CEP192: variants seen among roughly 807,000 people sequenced by gnomAD.
CEP192 encodes centrosomal protein of 192 kDa.
CEP192 carries 151 observed loss-of-function variants against 271.8 expected under a neutral mutation model. The observed-to-expected ratio is 0.56, with a 90% confidence interval of 0.49 to 0.64. CEP192 has a LOEUF of 0.64. Among genes scored for constraint, CEP192 ranks in the 30% least tolerant of loss-of-function variants. The pLI is 0.00. For synonymous variants in CEP192, 995 were observed against 1,076.5 expected, an observed-to-expected ratio of 0.92 and a Z score of 1.48; for missense variants, 2,910 against 3,020.5, an observed-to-expected ratio of 0.96 and a Z score of 0.86.
At chr18:13,017,084 T>G in intron 6 of CEP192, 104 bp from the exon 7 acceptor site, 2 of 819,016 alleles carry the variant, frequency 2.4e-6, no homozygotes, top group South Asian at 2.0e-5. Context: ...CACCAAAATC[T>G]TAGTCCATTG....
intron 20 of CEP192, 133 bp downstream of exon 20, chr18:13,057,866 C>G: frequency 1.4e-6 from 1 of 723,074 alleles, no homozygotes; most frequent in African/African-American, 1.8e-5. Flanking sequence ...TGGTATCTTT[C>G]TCTCAGACCC....
rs2037862618 is a variant in CEP192 at position 13,068,954 on chromosome 18, C to G, written c.4925C>G (p.Ala1642Gly). ...VLRSVSLRAR[A>G]GIARIHAPRD... ...AGAAGTGTGAGTCTCCGAGCAAGAG[C>G]AGGAATAGCTAGGATCCATGCTCCC... Residue 1642 changes from alanine to glycine, a missense_variant, in exon 25 of 45, where the codon GCA becomes GGA. Coordinates refer to ENST00000506447, the MANE Select transcript of CEP192 (RefSeq NM_032142.4). The G allele has an allele frequency of 6.2e-7, 1 of 1,614,184 alleles. No homozygotes were observed. Among genetic ancestry groups the G allele is most frequent in the African/African-American group, 1.3e-5 (1 of 75,050 alleles).
intron 3 of CEP192, among the ~76,000 whole-genome samples, chr18:13,004,941 A>T (rs2033886568): frequency 6.6e-6 from 1 of 152,144 alleles, no homozygotes; most frequent in Non-Finnish European, 1.5e-5. Context: ...AAGGAGGAGG[A>T]GAGGGTATGG....
intron 11 of CEP192, among the ~76,000 whole-genome samples, chr18:13,035,874 T>C (rs796429559): frequency 2.6e-4 from 39 of 152,310 alleles, no homozygotes; most frequent in African/African-American, 9.1e-4. Flanking sequence ...GCTGGGCATT[T>C]TGGCTTATGC....
Position 13,056,465 on chromosome 18 carries a change from G to C in CEP192, c.3875G>C (p.Gly1292Ala). 1 of 1,614,240 alleles carries C rather than the reference G, an allele frequency of 6.2e-7. No homozygotes were observed. The highest frequency in any genetic ancestry group is 8.5e-7 in the Non-Finnish European group (1 of 1,180,034). The stretch of plus-strand genomic sequence containing the variant: ...AATGCCACAGTCTGTGGCTTCTCAG[G>C]AGGCCTTCCCTATCCAGCTGTTGCA... The part of the protein sequence containing the change: ...AGNATVCGFS[G>A]GLPYPAVAGE... Residue 1292 changes from glycine to alanine, a missense_variant, in exon 19 of 45, where the codon GGA becomes GCA. Gly to Ala is a moderately conservative substitution (Grantham distance 60, BLOSUM62 0). Transcript: ENST00000506447.
In CEP192 at chr18:13,015,467, T is replaced by C. The variant is rs2034589194; in HGVS notation, c.640+19T>C. On this transcript the variant is annotated intron_variant, in intron 6 of 44. Coordinates refer to ENST00000506447, the MANE Select transcript of CEP192 (RefSeq NM_032142.4). Reference sequence around the variant, plus strand: ...TCTTCTGGTACTGCAGAGTAACCTGTGTTTCCCTGGTCTTCACCTTGCCAC... The same window carrying C: ...TCTTCTGGTACTGCAGAGTAACCTGCGTTTCCCTGGTCTTCACCTTGCCAC... 6.5e-7 allele frequency: 1 copy of C among 1,549,854 alleles called. No individual in the cohort carries two copies. The highest frequency in any genetic ancestry group is 8.7e-7 in the Non-Finnish European group (1 of 1,146,190).
At chr18:13,107,056 A>G (rs373569453) in intron 40 of CEP192, among the ~76,000 whole-genome samples, 1 of 152,354 alleles carries the variant, frequency 6.6e-6, no homozygotes, top group African/African-American at 2.4e-5. Context: ...AGTGTCTGCC[A>G]TGTAACAGAT....
chr18:13,057,253 G>GTT (rs1448614630), intron 19 of CEP192, among the ~76,000 whole-genome samples: 55 of 30,026 alleles, frequency 1.8e-3, no homozygotes, highest in East Asian at 3.3e-3. Flanking sequence ...GGTTTTTTTT[G>GTT]TTTGTTTTTT....
At chr18:13,071,894 A>G (rs1002684361) in intron 28 of CEP192, among the ~76,000 whole-genome samples, 2 of 152,230 alleles carry the variant, frequency 1.3e-5, no homozygotes, top group Admixed American at 6.5e-5. Context: ...ATGGAAACCT[A>G]GCCTCTCCCA....
chr18:13,092,312 A>G, intron 33 of CEP192, 65 bp from the exon 34 acceptor site: 2 of 1,109,966 alleles, frequency 1.8e-6, no homozygotes, highest in East Asian at 2.5e-5. Context: ...ATACAAATGT[A>G]TCTGTTACTT....
intron 21 of CEP192, among the ~76,000 whole-genome samples, chr18:13,062,459 C>G (rs1311330762): frequency 2.6e-5 from 4 of 151,660 alleles, no homozygotes; most frequent in South Asian, 2.1e-4. Context: ...CCAATTTGCT[C>G]TCTAACTTAC....
chr18:13,005,029 C>T (rs1012607531), intron 3 of CEP192, among the ~76,000 whole-genome samples: 6 of 151,956 alleles, frequency 3.9e-5, no homozygotes, highest in African/African-American at 9.7e-5. Context: ...AGTTGTGGTA[C>T]TAGAGGCAAG....
chr18:13,081,900 TG>T, intron 30 of CEP192, among the ~76,000 whole-genome samples: 1 of 152,226 alleles, frequency 6.6e-6, no homozygotes, highest in East Asian at 1.9e-4. Flanking sequence ...TCAGTTTCCA[TG>T]TAGTTGTGCG....
chr18:13,015,697 G>A (rs975603440), intron 6 of CEP192, among the ~76,000 whole-genome samples: 1 of 152,018 alleles, frequency 6.6e-6, no homozygotes, highest in African/African-American at 2.4e-5. Context: ...GTCACCTGGA[G>A]GTGCCCTTCA....
chr18:13,050,334 A>G (rs547754853), intron 17 of CEP192, among the ~76,000 whole-genome samples: 1 of 152,346 alleles, frequency 6.6e-6, no homozygotes, highest in East Asian at 1.9e-4. Context: ...CAGCAAAATT[A>G]TCAAAAATGT....
At chr18:13,013,915 C>G (rs1264463866) in intron 5 of CEP192, among the ~76,000 whole-genome samples, 1 of 152,190 alleles carries the variant, frequency 6.6e-6, no homozygotes, top group Non-Finnish European at 1.5e-5. Flanking sequence ...TTTCCCTGTG[C>G]CAGCGATTGG....
chr18:13,086,416 T>C (rs1209016780), intron 30 of CEP192, among the ~76,000 whole-genome samples: 2 of 152,176 alleles, frequency 1.3e-5, no homozygotes, highest in Non-Finnish European at 2.9e-5. Flanking sequence ...TCCAATACTG[T>C]GTTGAATAGG....
chr18:13,124,820 ACTTTAT>A lies in CEP192; in HGVS notation c.*55_*60del. 5 of 1,391,572 alleles carry A rather than the reference ACTTTAT, an allele frequency of 3.6e-6. No individual in the cohort carries two copies. The highest frequency in any genetic ancestry group is 5.0e-6 in the Non-Finnish European group (5 of 998,368). 86.2% of individuals were successfully genotyped at this position (1,391,572 alleles called of 1,614,324 possible). A position where few individuals can be genotyped will look rare whatever the true frequency, so the allele number is the denominator to read the frequency against. The stretch of plus-strand genomic sequence containing the variant: ...AAATTACATAAGTTGTATTTTGTTA[ACTTTAT>A]CTTTCTACACTACAATTATGCTTTT... On this transcript the variant is annotated 3_prime_UTR_variant, in exon 45 of 45. Transcript: ENST00000506447.
In CEP192 at chr18:13,059,065, A is replaced by G. The variant is rs1034251847; in HGVS notation, c.4258-17A>G. On this transcript the variant is annotated splice_polypyrimidine_tract_variant and intron_variant, in intron 20 of 44. Coordinates refer to ENST00000506447, the MANE Select transcript of CEP192 (RefSeq NM_032142.4). ...TGTGAAGCCATTAATAACGAACTTT[A>G]TGGCTCTTTTTTGAAGGTGGATCTT... 1.3e-5 allele frequency: 21 copies of G among 1,561,128 alleles called. No individual in the cohort carries two copies. The highest frequency in any genetic ancestry group is 1.9e-5 in the Non-Finnish European group (21 of 1,132,180).
Sources: allele counts gnomAD v4.1 joint callset (sites outside exome capture counted in the v4.1 genomes callset), GRCh38; gene constraint gnomAD v4.1.1; transcripts MANE v1.5; gene names NCBI Gene and HGNC (gene_info 2026-07-23, HGNC 2026-07-21).